Variants in ENPP2 observed in about 807,000 individuals in gnomAD.
The protein encoded by ENPP2 is ectonucleotide pyrophosphatase/phosphodiesterase 2, also known as autotaxin.
ENPP2 carries 51 observed loss-of-function variants against 120.2 expected under a neutral mutation model. The ratio of observed to expected loss-of-function variants is 0.42; its 90% CI spans 0.34 to 0.54. The LOEUF (loss-of-function observed/expected upper bound fraction) is 0.54, where lower values mean the gene tolerates loss of function less well. Ranked by LOEUF, ENPP2 falls within the 20% of genes least tolerant of loss-of-function variation. The pLI is 0.04. For synonymous variants in ENPP2, 365 were observed against 366.4 expected (o/e 1.00, Z 0.04); for missense variants, 920 against 1,066.5 (o/e 0.86, Z 1.91).
intron 1 of ENPP2, among the ~76,000 whole-genome samples, chr8:119,646,965 G>A (rs1484733520): frequency 6.6e-6 from 1 of 151,012 alleles, no homozygotes; most frequent in African/African-American, 2.4e-5. Context: ...GAACAACAAT[G>A]AACTGTGTTA....
intron 12 of ENPP2, among the ~76,000 whole-genome samples, chr8:119,591,003 A>AAAAC (rs1159905888): frequency 4.6e-5 from 7 of 150,798 alleles, no homozygotes. Context: ...TTTAAAAAAA[A>AAAAC]AAAAAAAAAA....
chr8:119,567,346 C>T (rs147808215), intron 22 of ENPP2, among the ~76,000 whole-genome samples: 29 of 152,204 alleles, frequency 1.9e-4, no homozygotes, highest in East Asian at 5.8e-4. Flanking sequence ...GCAGTGCTTT[C>T]GACATTGGAT....
At chr8:119,600,103 T>C (rs575038975) in intron 11 of ENPP2, among the ~76,000 whole-genome samples, 3 of 152,000 alleles carry the variant, frequency 2.0e-5, no homozygotes, top group Non-Finnish European at 4.4e-5. Context: ...GGGGGGGTGA[T>C]GACTATGTTC....
intron 8 of ENPP2, among the ~76,000 whole-genome samples, chr8:119,609,140 G>C (rs566554179): frequency 6.6e-6 from 1 of 152,256 alleles, no homozygotes; most frequent in South Asian, 2.1e-4. Flanking sequence ...TTGAGGAAAT[G>C]GGTAACTGGG....
chr8:119,613,323 G>T (rs928588753), intron 8 of ENPP2, among the ~76,000 whole-genome samples: 2 of 152,150 alleles, frequency 1.3e-5, no homozygotes, highest in African/African-American at 4.8e-5. Flanking sequence ...AATTATAAAA[G>T]ACTAAATTAA....
At chr8:119,558,352 C>A (rs1203877309) in intron 24 of ENPP2, among the ~76,000 whole-genome samples, 1 of 152,128 alleles carries the variant, frequency 6.6e-6, no homozygotes, top group African/African-American at 2.4e-5. Context: ...GCCTCAGTTT[C>A]TTCCTTGGTT....
intron 15 of ENPP2, 22 bp downstream of exon 15, chr8:119,586,164 A>G (rs1441919647): frequency 1.2e-6 from 2 of 1,610,608 alleles, no homozygotes; most frequent in Admixed American, 1.7e-5. Flanking sequence ...TGAGAAACAG[A>G]AATAGCCCAT....
intron 4 of ENPP2, 28 bp from the exon 5 acceptor site, chr8:119,619,332 G>T: frequency 5.4e-6 from 8 of 1,491,944 alleles, no homozygotes; most frequent in Non-Finnish European, 7.5e-6. Context: ...TAAATGTATT[G>T]TTGAATCTAA....
At chr8:119,598,929 C>T (rs1814090663) in intron 11 of ENPP2, among the ~76,000 whole-genome samples, 1 of 152,134 alleles carries the variant, frequency 6.6e-6, no homozygotes, top group Non-Finnish European at 1.5e-5. Flanking sequence ...GTTTTGCCTA[C>T]CCCACAGGTT....
intron 14 of ENPP2, among the ~76,000 whole-genome samples, chr8:119,586,799 T>C (rs1323077854): frequency 6.6e-6 from 1 of 152,200 alleles, no homozygotes; most frequent in East Asian, 1.9e-4. Flanking sequence ...TGAATACTTT[T>C]CAGTTCTAAT....
intron 1 of ENPP2, among the ~76,000 whole-genome samples, chr8:119,665,821 C>T (rs1362805567): frequency 1.3e-5 from 2 of 152,140 alleles, no homozygotes; most frequent in South Asian, 4.1e-4. Context: ...TCCTTCTTTC[C>T]ATCAATAATT....
intron 1 of ENPP2, among the ~76,000 whole-genome samples, chr8:119,653,835 G>A (rs895949601): frequency 4.6e-5 from 7 of 152,024 alleles, no homozygotes; most frequent in African/African-American, 1.2e-4. Flanking sequence ...AACGTGTGGC[G>A]TAGATGAGGG....
intron 9 of ENPP2, among the ~76,000 whole-genome samples, chr8:119,604,336 C>T (rs1814541579): frequency 6.6e-6 from 1 of 152,034 alleles, no homozygotes; most frequent in East Asian, 1.9e-4. Flanking sequence ...CCTCTAATCT[C>T]TTAAATGAGG....
At chr8:119,592,473 CAA>C (rs61330053) in intron 12 of ENPP2, among the ~76,000 whole-genome samples, 111 of 54,930 alleles carry the variant, frequency 2.0e-3, no homozygotes, top group East Asian at 0.019. Context: ...AACTCCACCT[CAA>C]AAAAAAAAAA....
At chr8:119,581,379 G>A (rs571565401) in intron 18 of ENPP2, among the ~76,000 whole-genome samples, 15 of 152,126 alleles carry the variant, frequency 9.9e-5, no homozygotes, top group African/African-American at 3.4e-4. Context: ...TGTGGCCTGG[G>A]AGGCTGACCT....
chr8:119,611,833 C>A (rs1196659392), intron 8 of ENPP2, among the ~76,000 whole-genome samples: 1 of 152,042 alleles, frequency 6.6e-6, no homozygotes, highest in Non-Finnish European at 1.5e-5. Context: ...CAAGACCAGA[C>A]TGGTTGACAT....
chr8:119,575,099 T>C (rs1300753332), intron 19 of ENPP2, among the ~76,000 whole-genome samples: 1 of 152,254 alleles, frequency 6.6e-6, no homozygotes, highest in Non-Finnish European at 1.5e-5. Flanking sequence ...CATATTTTTT[T>C]TAAATCTTGG....
rs1194483898 is a variant in ENPP2, at chr8:119,654,123, ATAT to A, written c.22-15599_22-15597del. Among the ~76,000 whole-genome samples, 6 of 143,586 alleles carry A rather than the reference ATAT, an allele frequency of 4.2e-5. No homozygotes were observed. The East Asian group carries it at 9.8e-4, about 24-fold the overall frequency. The allele number at this position is 143,586 out of a possible 152,430, so 94.2% of individuals were successfully genotyped here. On this transcript the variant is annotated intron_variant, in intron 1 of 25. Coordinates refer to the ENPP2 transcript ENST00000427067. ...TATATAACATGTACAGAGATATATAATATTATATACAGAGATATAATATATAAG... is the reference window on the plus strand; with the variant it reads ...TATATAACATGTACAGAGATATATAATATATACAGAGATATAATATATAAG...
intron 1 of ENPP2, among the ~76,000 whole-genome samples, chr8:119,656,897 G>A (rs1817778780): frequency 6.6e-6 from 1 of 152,024 alleles, no homozygotes; most frequent in Admixed American, 6.6e-5. Flanking sequence ...ATTGCATGAA[G>A]TATTTATATA....
Sources: gnomAD v4.1 joint callset for allele counts (sites outside exome capture counted in the v4.1 genomes callset) on GRCh38, gnomAD v4.1.1 for gene constraint, MANE v1.5 for transcripts, NCBI Gene and HGNC (gene_info 2026-07-23, HGNC 2026-07-21) for gene names.